RARB: variants seen among roughly 807,000 people sequenced by gnomAD.
The protein encoded by RARB is HBV-activated protein.
Under a neutral mutation model 51.9 loss-of-function variants are expected in RARB, and 17 were observed. The observed-to-expected ratio is 0.33, with a 90% CI of 0.22 to 0.49. The LOEUF (loss-of-function observed/expected upper bound fraction) is 0.49. RARB is among the 20% of genes least tolerant of loss of function. The pLI, the probability that RARB is intolerant of heterozygous loss-of-function variation, is 0.99. For missense variants in RARB, 369 were observed against 550.8 expected (o/e 0.67, Z 3.30); for synonymous variants, 215 against 195.4 (o/e 1.10, Z -0.84).
chr3:24,948,173 G>T (rs1426948847), intron 2 of RARB, among the ~76,000 whole-genome samples: 2 of 152,180 alleles, frequency 1.3e-5, no homozygotes, highest in African/African-American at 4.8e-5. Context: ...GGAAGCACTG[G>T]CAGCCTTGAA....
intron 4 of RARB, among the ~76,000 whole-genome samples, chr3:25,158,276 C>T (rs1461468793): frequency 1.3e-5 from 2 of 152,186 alleles, no homozygotes; most frequent in African/African-American, 4.8e-5. Flanking sequence ...ACCAAATCAC[C>T]CTTCAATTAT....
intron 2 of RARB, among the ~76,000 whole-genome samples, chr3:25,490,394 G>A (rs925305884): frequency 6.6e-6 from 1 of 152,128 alleles, no homozygotes; most frequent in Non-Finnish European, 1.5e-5. Context: ...ATGCAGCATC[G>A]CCATGGTGAT....
At chr3:25,569,639 C>A (rs1414511331) in intron 3 of RARB, 119 bp from the exon 4 acceptor site, 7 of 1,209,878 alleles carry the variant, frequency 5.8e-6, no homozygotes, top group Admixed American at 2.3e-5. Context: ...CCTCTTCCCA[C>A]TGTTTCTGTC....
At chr3:25,016,781 G>T (rs1047999282) in intron 2 of RARB, among the ~76,000 whole-genome samples, 1 of 151,936 alleles carries the variant, frequency 6.6e-6, no homozygotes, top group Non-Finnish European at 1.5e-5. Flanking sequence ...TGAGGAGTAG[G>T]AGTCTTCTGT....
chr3:25,459,928 C>T (rs1023820970), intron 1 of RARB, among the ~76,000 whole-genome samples: 3 of 152,166 alleles, frequency 2.0e-5, no homozygotes, highest in African/African-American at 4.8e-5. Flanking sequence ...GATAGAAGTA[C>T]AGCCAGTTCT....
chr3:24,859,435 C>T (rs969201399), intron 2 of RARB, among the ~76,000 whole-genome samples: 1 of 152,116 alleles, frequency 6.6e-6, no homozygotes, highest in African/African-American at 2.4e-5. Context: ...ATTAGAATGC[C>T]TTCAGGTGCC....
intron 2 of RARB, among the ~76,000 whole-genome samples, chr3:24,963,209 G>C (rs1211305420): frequency 6.6e-6 from 1 of 151,958 alleles, no homozygotes; most frequent in East Asian, 1.9e-4. Context: ...AGGGCATGGT[G>C]AATCTGTCCT....
chr3:25,274,946 G>C (rs1703346162), intron 5 of RARB, among the ~76,000 whole-genome samples: 1 of 152,188 alleles, frequency 6.6e-6, no homozygotes. Context: ...TGGAGGGAAG[G>C]AAATGGTGTG....
At chr3:25,178,625 T>C (rs900670673) in intron 5 of RARB, among the ~76,000 whole-genome samples, 3 of 152,102 alleles carry the variant, frequency 2.0e-5, no homozygotes, top group African/African-American at 7.2e-5. Context: ...GACATCTTTT[T>C]TCCACGATGT....
At chr3:25,394,980 G>A (rs1261475211) in intron 5 of RARB, among the ~76,000 whole-genome samples, 4 of 151,952 alleles carry the variant, frequency 2.6e-5, no homozygotes, top group South Asian at 2.1e-4. Context: ...TTTTTTCCTT[G>A]TGTTATTGTT....
At chr3:25,432,694 AC>A (rs1274758182) in intron 1 of RARB, among the ~76,000 whole-genome samples, 1 of 152,176 alleles carries the variant, frequency 6.6e-6, no homozygotes, top group Non-Finnish European at 1.5e-5. Flanking sequence ...AAGAAAGAAA[AC>A]CTGTTTTCTC....
chr3:25,033,811 T>G (rs1697926585), intron 2 of RARB, among the ~76,000 whole-genome samples: 1 of 152,138 alleles, frequency 6.6e-6, no homozygotes, highest in Non-Finnish European at 1.5e-5. Flanking sequence ...CAGTAGAAAA[T>G]ACCGTAATAA....
chr3:25,085,757 G>A (rs1699093386), intron 3 of RARB, among the ~76,000 whole-genome samples: 1 of 152,024 alleles, frequency 6.6e-6, no homozygotes, highest in African/African-American at 2.4e-5. Flanking sequence ...GCTCAGACTT[G>A]TGTCAAATCC....
intron 3 of RARB, among the ~76,000 whole-genome samples, chr3:25,077,579 T>C (rs531016461): frequency 6.6e-6 from 1 of 152,326 alleles, no homozygotes; most frequent in South Asian, 2.1e-4. Context: ...TATCTATTTT[T>C]CTTTGGTGGA....
intron 2 of RARB, among the ~76,000 whole-genome samples, chr3:24,983,963 T>A (rs2125427998): frequency 6.6e-6 from 1 of 152,306 alleles, no homozygotes; most frequent in East Asian, 1.9e-4. Context: ...CAATTTCCAA[T>A]TAATTTTCTA....
chr3:25,209,235 A>G (rs958853192), intron 5 of RARB, among the ~76,000 whole-genome samples: 10 of 152,202 alleles, frequency 6.6e-5, no homozygotes, highest in African/African-American at 2.4e-4. Context: ...TTAGTCATGC[A>G]GAAGATCCCT....
At chr3:25,317,788 T>A (rs1260038847) in intron 5 of RARB, among the ~76,000 whole-genome samples, 1 of 152,228 alleles carries the variant, frequency 6.6e-6, no homozygotes, top group Non-Finnish European at 1.5e-5. Context: ...AAAGAATGTC[T>A]CCTACAAACT....
chr3:25,462,750 G>C (rs1311305346), intron 2 of RARB, among the ~76,000 whole-genome samples: 4 of 152,194 alleles, frequency 2.6e-5, no homozygotes, highest in Non-Finnish European at 4.4e-5. Context: ...TAGCTAGTTG[G>C]CTCTGCTTCT....
chr3:25,444,937 G>A (rs1193780003), intron 1 of RARB, among the ~76,000 whole-genome samples: 1 of 151,990 alleles, frequency 6.6e-6, no homozygotes, highest in Non-Finnish European at 1.5e-5. Context: ...AGAAATGAAT[G>A]AACACCTCTT....
Sources: allele counts gnomAD v4.1 joint callset (sites outside exome capture counted in the v4.1 genomes callset), GRCh38; gene constraint gnomAD v4.1.1; transcripts MANE v1.5; gene names NCBI Gene and HGNC (gene_info 2026-07-23, HGNC 2026-07-21).